GCHFR: variants seen among roughly 807,000 people sequenced by gnomAD.
GCHFR encodes GTP cyclohydrolase I feedback regulator, also known as GTP cyclohydrolase 1 feedback regulatory protein.
Under a neutral mutation model 10.6 loss-of-function variants are expected in GCHFR, and 12 were observed. The observed-to-expected ratio is 1.13, with a 90% CI of 0.72 to 1.83. The LOEUF is 1.83. Ranked by LOEUF, GCHFR falls within the 40% of genes most tolerant of loss-of-function variation. GCHFR has a pLI of 0.00. For synonymous variants in GCHFR, 54 were observed against 43.7 expected (o/e 1.24, Z -0.93); for missense variants, 116 against 110.6 (o/e 1.05, Z -0.22).
chr15:40,766,021 C>G, intron 2 of GCHFR, 100 bp downstream of exon 2: 1 of 527,186 alleles, frequency 1.9e-6, no homozygotes, highest in Non-Finnish European at 3.3e-6. Context: ...GGCCCAGCAT[C>G]AGAGCCCCCT....
chr15:40,765,553 C>T (rs974599647), intron 1 of GCHFR: 2 of 269,988 alleles, frequency 7.4e-6, no homozygotes, highest in African/African-American at 4.4e-5. Flanking sequence ...ATCCTCCCAC[C>T]TCAGCCTCAG....
intron 2 of GCHFR, chr15:40,766,169 C>T (rs1019773703): frequency 3.0e-6 from 1 of 335,530 alleles, no homozygotes. Context: ...AGTCCGTTCC[C>T]TGGGTCTAGG....
In GCHFR at chr15:40,765,846, T is replaced by A; in HGVS notation, c.56T>A (p.Val19Glu). The A allele has an allele frequency of 6.3e-7, 1 of 1,577,984 alleles. No homozygotes were observed. The highest frequency in any genetic ancestry group is 8.6e-7 in the Non-Finnish European group (1 of 1,156,186). ...QIRMEVGPTMVGDEQSDPELM... is the reference protein window; with the variant it reads ...QIRMEVGPTMEGDEQSDPELM... ...TTGCAGGAGGTGGGCCCCACTATGG[T>A]GGGCGATGAACAGTCGGATCCAGAG... is the stretch of plus-strand genomic sequence containing the variant. Residue 19 changes from valine (V) to glutamate (E), a missense_variant, in exon 2 of 3, where the codon GTG (valine) becomes GAG (glutamate). Val to Glu is a moderately radical substitution (Grantham distance 121). Transcript: ENST00000260447.
At chr15:40,766,907 G>A (rs188616844) in intron 2 of GCHFR, 49 of 191,194 alleles carry the variant, frequency 2.6e-4, no homozygotes, top group African/African-American at 5.3e-4. Context: ...CAGGGAGGGC[G>A]GCAGCAGGGC....
At chr15:40,765,625 G>C (rs1888930793) in intron 1 of GCHFR, 2 of 383,060 alleles carry the variant, frequency 5.2e-6, no homozygotes, top group Admixed American at 4.5e-5. Flanking sequence ...AGGCACTAGG[G>C]AGGGCGCCTA....
chr15:40,766,375 G>A (rs1196451005), intron 2 of GCHFR: 1 of 152,958 alleles, frequency 6.5e-6, no homozygotes, highest in Non-Finnish European at 1.5e-5. Context: ...ATTTCCCTTG[G>A]CATTCTTCCT....
At chr15:40,764,261 A>AG (rs1566816106) in intron 1 of GCHFR, 45 bp downstream of exon 1, 1 of 1,518,590 alleles carries the variant, frequency 6.6e-7, no homozygotes, top group Non-Finnish European at 8.9e-7. Flanking sequence ...ACCAGGCCCT[A>AG]GGGGGCTGCG....
rs901965817 is a variant in GCHFR at position 40,767,430 on chromosome 15, G to A, written c.*81G>A. 1.3e-5 allele frequency: 19 copies of A among 1,439,448 alleles called. No individual in the cohort carries two copies. In the East Asian group the frequency reaches 2.1e-4, roughly 16 times the overall value. The allele number at this position is 1,439,448 out of a possible 1,614,324, so 89.2% of individuals were successfully genotyped here. ...CTGACCTCCAAGCTCCTGCCTCACC[G>A]TCTGCCTTGCTCCTCTCTTCCCAAA... On this transcript the variant is annotated 3_prime_UTR_variant, in exon 3 of 3. Transcript: ENST00000260447.
In GCHFR at chr15:40,764,150, C is replaced by G; in HGVS notation, c.-31C>G. ...GGAGTCGGCGTCCAGCCTAGAGCCC[C>G]CGGTGGGAGCCAGGCCGGGACGCGT... is the stretch of plus-strand genomic sequence containing the variant. On this transcript the variant is annotated 5_prime_UTR_variant, in exon 1 of 3. Transcript: ENST00000260447. 6.5e-7 allele frequency: 1 copy of G among 1,542,128 alleles called. No individual in the cohort carries two copies.
intron 1 of GCHFR, 105 bp downstream of exon 1, chr15:40,764,321 C>T (rs1315194517): frequency 4.0e-5 from 41 of 1,012,496 alleles, no homozygotes; most frequent in Non-Finnish European, 5.4e-5. Flanking sequence ...GGGACTGGAC[C>T]GGGAACCCGC....
intron 1 of GCHFR, chr15:40,764,568 C>T: frequency 3.3e-6 from 1 of 301,108 alleles, no homozygotes; most frequent in Non-Finnish European, 6.1e-6. Context: ...CACAGAGCCG[C>T]TCCGCAGGGG....
chr15:40,765,895 A>G lies in GCHFR; in HGVS notation c.105A>G (p.Ser35=). ...AGCTGATGCAGCATCTGGGGGCTTC[A>G]AAGAGAAGAGCCTTGGGAAACAACT... The part of the protein sequence containing the change: ...DPELMQHLGA[S]KRRALGNNFY... Residue 35 remains serine (S), a synonymous_variant, in exon 2 of 3, where the codon TCA becomes TCG. Transcript: ENST00000260447. The G allele has an allele frequency of 6.3e-7, 1 of 1,578,692 alleles. No homozygotes were observed. Among genetic ancestry groups the G allele is most frequent in the Non-Finnish European group, 8.6e-7 (1 of 1,156,274 alleles).
chr15:40,766,347 C>T, intron 2 of GCHFR: 1 of 153,918 alleles, frequency 6.5e-6, no homozygotes, highest in Non-Finnish European at 1.4e-5. Flanking sequence ...AGGGTGGCTG[C>T]TGCCTGGGGA....
At chr15:40,767,020 G>A in intron 2 of GCHFR, 1 of 425,750 alleles carries the variant, frequency 2.3e-6, no homozygotes, top group East Asian at 3.6e-5. Flanking sequence ...ACCTTCACTA[G>A]CTTGTTGGGA....
intron 2 of GCHFR, 39 bp downstream of exon 2, chr15:40,765,960 C>T (rs778191527): frequency 1.9e-6 from 2 of 1,071,864 alleles, no homozygotes; most frequent in South Asian, 1.5e-5. Flanking sequence ...TCCCTGCCAG[C>T]CCCTAGACCT....
intron 2 of GCHFR, chr15:40,766,262 T>C (rs1236310768): frequency 1.7e-5 from 3 of 179,008 alleles, no homozygotes; most frequent in Non-Finnish European, 3.5e-5. Context: ...GAGAAAGGTT[T>C]TTGTCGTGAG....
At chr15:40,764,328 CCGCCCAGACA>C in intron 1 of GCHFR, 112 bp downstream of exon 1, 1 of 920,626 alleles carries the variant, frequency 1.1e-6, no homozygotes, top group Non-Finnish European at 1.5e-6. Context: ...GACCGGGAAC[CCGCCCAGACA>C]CGCCCCCTTG....
At chr15:40,764,488 G>T (rs1018776144) in intron 1 of GCHFR, 2 of 457,764 alleles carry the variant, frequency 4.4e-6, no homozygotes, top group South Asian at 3.4e-5. Flanking sequence ...GGCGCTTCCG[G>T]CTCCTGTCCT....
At position 40,764,290 on chromosome 15, in the gene GCHFR, C is replaced by T. The variant is rs1164376043; in HGVS notation, c.36+74C>T. On this transcript the variant is annotated intron_variant, in intron 1 of 2. Coordinates refer to ENST00000260447, the MANE Select transcript of GCHFR (RefSeq NM_005258.3). ...GGCTGCGACTGCACCTTCATGCCTC[C>T]CTCCTGGGCTGCACCCACCGGGGAC... 4.4e-6 allele frequency: 6 copies of T among 1,364,704 alleles called. No homozygotes were observed. In the East Asian group the frequency reaches 8.5e-5, roughly 19 times the overall value. 84.5% of individuals were successfully genotyped at this position (1,364,704 alleles called of 1,614,324 possible).
Sources: allele counts gnomAD v4.1 joint callset, GRCh38; gene constraint gnomAD v4.1.1; transcripts MANE v1.5; gene names NCBI Gene and HGNC (gene_info 2026-07-23, HGNC 2026-07-21).